AGAP1: variants seen among roughly 807,000 people sequenced by gnomAD.
AGAP1 encodes the protein ArfGAP with GTPase domain, ankyrin repeat and PH domain 1.
A neutral mutation model predicts 105.3 loss-of-function variants in AGAP1; 29 were observed. The ratio of observed to expected loss-of-function variants is 0.28; its 90% CI spans 0.21 to 0.38. The LOEUF is 0.38. Ranked by LOEUF, AGAP1 falls within the 10% of genes least tolerant of loss-of-function variation. The pLI is 1.00. For missense variants in AGAP1, 998 were observed against 1,165.1 expected (o/e 0.86, Z 2.09); for synonymous variants, 509 against 485.9 (o/e 1.05, Z -0.63).
intron 1 of AGAP1, among the ~76,000 whole-genome samples, chr2:235,593,802 A>G (rs1452302032): frequency 2.0e-5 from 3 of 152,034 alleles, no homozygotes; most frequent in Non-Finnish European, 4.4e-5. Context: ...ACATCTCTAA[A>G]AACAAAAAAT....
intron 3 of AGAP1, among the ~76,000 whole-genome samples, chr2:235,730,477 T>TAAAAA (rs11388954): frequency 1.5e-4 from 19 of 123,856 alleles, no homozygotes; most frequent in African/African-American, 4.3e-4. Context: ...GTTTACCTTT[T>TAAAAA]AAAAAAAAAA....
At chr2:236,085,175 C>G (rs574998854) in intron 16 of AGAP1, among the ~76,000 whole-genome samples, 3 of 140,578 alleles carry the variant, frequency 2.1e-5, no homozygotes, top group Non-Finnish European at 1.5e-5. Context: ...AAGATTGTGC[C>G]ACTGCACTCC....
intron 1 of AGAP1, among the ~76,000 whole-genome samples, chr2:235,647,089 TTG>T (rs1364051751): frequency 2.0e-5 from 3 of 147,032 alleles, no homozygotes; most frequent in South Asian, 2.2e-4. Flanking sequence ...TGAACCGAGA[TTG>T]CGCCACTGCA....
At chr2:235,501,259 G>C (rs998305612) in intron 1 of AGAP1, among the ~76,000 whole-genome samples, 5 of 152,204 alleles carry the variant, frequency 3.3e-5, no homozygotes, top group African/African-American at 1.2e-4. Context: ...GGTAGAGGCA[G>C]CTGATGTCCA....
Position 235,977,817 on chromosome 2 carries a change from T to G in AGAP1, c.1645+9194T>G, listed in dbSNP as rs1261073398. Among the ~76,000 whole-genome samples, 1 of 152,140 alleles carries G rather than the reference T, an allele frequency of 6.6e-6. No homozygotes were observed. Among genetic ancestry groups the G allele is most frequent in the Non-Finnish European group, 1.5e-5 (1 of 68,026 alleles). On this transcript the variant is annotated intron_variant, in intron 13 of 17. Coordinates refer to ENST00000304032, the MANE Select transcript of AGAP1 (RefSeq NM_001037131.3). The surrounding 1 kb of genome is among the most constrained non-coding windows in gnomAD (Gnocchi z 5.2). ...GAAGCAACTTGGCAAATGGGGAGGATGAAATAAAATTGCACCTACCGTTTG... is the reference window on the plus strand; with the variant it reads ...GAAGCAACTTGGCAAATGGGGAGGAGGAAATAAAATTGCACCTACCGTTTG...
At chr2:235,742,179 T>C (rs1423029888) in intron 4 of AGAP1, among the ~76,000 whole-genome samples, 2 of 152,036 alleles carry the variant, frequency 1.3e-5, no homozygotes, top group Non-Finnish European at 2.9e-5. Flanking sequence ...CAGCATAGGA[T>C]TGTAAGATGG....
At chr2:235,640,063 C>CT (rs1276150447) in intron 1 of AGAP1, among the ~76,000 whole-genome samples, 1 of 152,208 alleles carries the variant, frequency 6.6e-6, no homozygotes, top group Non-Finnish European at 1.5e-5. Flanking sequence ...TTTACAAGCA[C>CT]TTAACTTCAT....
At chr2:236,117,954 GTGTT>G (rs933440789) in intron 16 of AGAP1, among the ~76,000 whole-genome samples, 6 of 152,146 alleles carry the variant, frequency 3.9e-5, no homozygotes, top group African/African-American at 1.4e-4. Context: ...CTGTAGCCAA[GTGTT>G]TGTCCTGGAA....
chr2:235,670,185 A>G (rs1233845896), intron 1 of AGAP1: 3 of 584,790 alleles, frequency 5.1e-6, no homozygotes, highest in African/African-American at 2.0e-5. Flanking sequence ...AAGACTGTCT[A>G]CCGCATCTCC....
rs1018655316 is a variant in AGAP1, at chr2:235,725,249, CG to C, written c.310+7609del. 2.6e-5 allele frequency among the ~76,000 whole-genome samples: 4 copies of C among 152,134 alleles called. No individual in the cohort carries two copies. Among genetic ancestry groups the C allele is most frequent in the African/African-American group, 9.7e-5 (4 of 41,398 alleles). Reference sequence around the variant, plus strand: ...ACTGCCTAGAATTGTTTCCTGTCATCGGGGTAGTAAATGTGTTCTCAGGAGC... The same window carrying C: ...ACTGCCTAGAATTGTTTCCTGTCATCGGGTAGTAAATGTGTTCTCAGGAGC... On this transcript the variant is annotated intron_variant, in intron 3 of 17. Transcript: ENST00000304032. This position sits in a 1 kb window ranked among gnomAD's most constrained non-coding sequence, Gnocchi z 5.7.
rs2050056411 is a variant in AGAP1, at chr2:235,882,146, C to T, written c.1051-1199C>T. Among the ~76,000 whole-genome samples, 1 of 151,704 alleles carries T rather than the reference C, an allele frequency of 6.6e-6. No homozygotes were observed. Among genetic ancestry groups the T allele is most frequent in the African/African-American group, 2.4e-5 (1 of 41,324 alleles). Reference sequence around the variant, plus strand: ...CAAGGTGTGTTTTATTTTCATTATTCATAGAAATAATTTTCTATAATGTCC... The same window carrying T: ...CAAGGTGTGTTTTATTTTCATTATTTATAGAAATAATTTTCTATAATGTCC... On this transcript the variant is annotated intron_variant, in intron 9 of 17. Transcript: ENST00000304032. This position sits in a 1 kb window ranked among gnomAD's most constrained non-coding sequence, Gnocchi z 4.6.
chr2:235,929,966 C>T (rs140957843), intron 11 of AGAP1, among the ~76,000 whole-genome samples: 16 of 152,208 alleles, frequency 1.1e-4, no homozygotes, highest in South Asian at 2.1e-4. Flanking sequence ...CCAGTACCTC[C>T]GAAGATCTGC....
At position 236,027,785 on chromosome 2, in the gene AGAP1, A is replaced by G. The variant is rs1027916244; in HGVS notation, c.1646-8776A>G. On this transcript the variant is annotated intron_variant, in intron 13 of 17. Coordinates refer to ENST00000304032, the MANE Select transcript of AGAP1 (RefSeq NM_001037131.3). This position sits in a 1 kb window ranked among gnomAD's most constrained non-coding sequence, Gnocchi z 4.4. ...GAGCTGTTCATCGGCGTCTCACTAC[A>G]TGGTGAACTGCTACTCACAGGGAAA... Among the ~76,000 whole-genome samples, 1 of 152,116 alleles carries G rather than the reference A, an allele frequency of 6.6e-6. No homozygotes were observed. The highest frequency in any genetic ancestry group is 2.4e-5 in the African/African-American group (1 of 41,434).
chr2:236,083,078 C>A lies in AGAP1; in HGVS notation c.2114+33797C>A, dbSNP rs1160566664. Among the ~76,000 whole-genome samples the A allele has an allele frequency of 2.0e-5, 3 of 152,128 alleles. No individual in the cohort carries two copies. Among genetic ancestry groups the A allele is most frequent in the Non-Finnish European group, 2.9e-5 (2 of 68,034 alleles). On this transcript the variant is annotated intron_variant, in intron 16 of 17. Coordinates refer to ENST00000304032, the MANE Select transcript of AGAP1 (RefSeq NM_001037131.3). The surrounding 1 kb of genome is among the most constrained non-coding windows in gnomAD (Gnocchi z 5.3). The stretch of plus-strand genomic sequence containing the variant: ...GCTGAGGCAGGAGAATCACTTGAAC[C>A]TGGGAGGCATAGGTTGCAGTGAGCC...
chr2:235,682,900 C>T (rs1214145547), intron 1 of AGAP1, among the ~76,000 whole-genome samples: 1 of 152,056 alleles, frequency 6.6e-6, no homozygotes, highest in African/African-American at 2.4e-5. Context: ...ACTCATCTCA[C>T]CCCCTCCAAC....
At chr2:235,949,095 C>T (rs559346199) in intron 12 of AGAP1, among the ~76,000 whole-genome samples, 1 of 152,314 alleles carries the variant, frequency 6.6e-6, no homozygotes, top group Non-Finnish European at 1.5e-5. Context: ...CCCCTTCTCC[C>T]TGGGTGAGGC....
intron 13 of AGAP1, among the ~76,000 whole-genome samples, chr2:236,016,806 G>C (rs1238409134): frequency 6.6e-6 from 1 of 152,116 alleles, no homozygotes; most frequent in African/African-American, 2.4e-5. Flanking sequence ...ATACTAAATA[G>C]TGACTGCATA....
intron 1 of AGAP1, among the ~76,000 whole-genome samples, chr2:235,529,302 T>G (rs961337648): frequency 2.0e-5 from 3 of 152,250 alleles, no homozygotes; most frequent in Non-Finnish European, 2.9e-5. Flanking sequence ...ATAGCCACAA[T>G]TTAGTGGACA....
At chr2:235,680,114 A>G (rs560005222) in intron 1 of AGAP1, among the ~76,000 whole-genome samples, 1 of 152,346 alleles carries the variant, frequency 6.6e-6, no homozygotes, top group East Asian at 1.9e-4. Flanking sequence ...TTAGCTCTAT[A>G]TGCAGGAGAT....
Sources: gnomAD v4.1 joint callset for allele counts (sites outside exome capture counted in the v4.1 genomes callset) on GRCh38, gnomAD v4.1.1 for gene constraint, Gnocchi (gnomAD v3.1) non-coding constraint, MANE v1.5 for transcripts, NCBI Gene and HGNC (gene_info 2026-07-23, HGNC 2026-07-21) for gene names.